Variants in DGLUCY observed in about 807,000 individuals in gnomAD.
DGLUCY encodes the protein D-glutamate cyclase, also known as D-glutamate cyclase, mitochondrial.
In DGLUCY, 58 loss-of-function variants were observed where a neutral mutation model predicts 58.5. The observed-to-expected ratio is 0.99, with a 90% CI of 0.80 to 1.23. The LOEUF is 1.23. Ranked by LOEUF, DGLUCY falls within the 50% of genes most tolerant of loss-of-function variation. DGLUCY has a pLI of 0.00. For synonymous variants in DGLUCY, 325 were observed against 314.1 expected (o/e 1.03, Z -0.37); for missense variants, 779 against 784.7 (o/e 0.99, Z 0.09).
chr14:91,160,372 C>G lies in DGLUCY; in HGVS notation c.78C>G (p.Ile26Met), dbSNP rs777996921. The G allele has an allele frequency of 1.4e-6, 2 of 1,416,472 alleles. No homozygotes were observed. Among genetic ancestry groups the G allele is most frequent in the Admixed American group, 4.0e-5 (2 of 50,492 alleles). 87.7% of individuals were successfully genotyped at this position (1,416,472 alleles called of 1,614,324 possible). A position where few individuals can be genotyped will look rare whatever the true frequency, so the allele number is the denominator to read the frequency against. The change falls in exon 3 of 14, where the codon ATC becomes ATG. Residue 26 changes from isoleucine to methionine, a missense_variant. Physicochemically the swap from Ile to Met is conservative, Grantham distance 10. Coordinates refer to ENST00000256324, the MANE Select transcript of DGLUCY (RefSeq NM_001102368.3). Reference sequence around the variant, plus strand: ...TGATTCTACAAAAGAAACCAAACATCAGAAATACATCCAGCATGGCTGGAG... The same window carrying G: ...TGATTCTACAAAAGAAACCAAACATGAGAAATACATCCAGCATGGCTGGAG... ...RSLILQKKPNIRNTSSMAGEL... is the reference protein window; with the variant it reads ...RSLILQKKPNMRNTSSMAGEL...
chr14:91,199,650 CAAA>C, intron 10 of DGLUCY, 104 bp from the exon 11 acceptor site: 3 of 1,316,266 alleles, frequency 2.3e-6, no homozygotes, highest in Non-Finnish European at 3.2e-6. Context: ...ATGAAGGAAT[CAAA>C]GAAAAAAAGA....
At chr14:91,177,928 G>GTGTGTGTGTGGGCATGTGTGTAGACAC in intron 7 of DGLUCY, among the ~76,000 whole-genome samples, 2 of 152,258 alleles carry the variant, frequency 1.3e-5, no homozygotes, top group East Asian at 3.9e-4. Context: ...TCTTGTCTGA[G>GTGTGTGTGTGGGCATGTGTGTAGACAC]TGTGTGTGTG....
chr14:91,089,247 T>C lies in DGLUCY; in HGVS notation c.-82+28543T>C, dbSNP rs943365000. ...TCAGGGTTCTTTTGATGATGGAAACTGCCAAATGTCCAACTCAGGAGCCGG... is the reference window on the plus strand; with the variant it reads ...TCAGGGTTCTTTTGATGATGGAAACCGCCAAATGTCCAACTCAGGAGCCGG... On this transcript the variant is annotated intron_variant, in intron 1 of 4. Transcript: ENST00000521334. 2.0e-5 allele frequency among the ~76,000 whole-genome samples: 3 copies of C among 152,160 alleles called. No individual in the cohort carries two copies. In the East Asian group the frequency reaches 5.8e-4, roughly 29 times the overall value.
intron 1 of DGLUCY, among the ~76,000 whole-genome samples, chr14:91,066,897 G>A (rs1029629730): frequency 1.3e-5 from 2 of 151,182 alleles, no homozygotes; most frequent in East Asian, 1.9e-4. Flanking sequence ...TGGCTAACAC[G>A]GTGAAACCCC....
chr14:91,150,940 C>G (rs2047299406), intron 1 of DGLUCY, among the ~76,000 whole-genome samples: 1 of 152,196 alleles, frequency 6.6e-6, no homozygotes, highest in African/African-American at 2.4e-5. Flanking sequence ...AACTCTCTGC[C>G]CATTACACGG....
intron 1 of DGLUCY, among the ~76,000 whole-genome samples, chr14:91,100,055 C>CAAAAAAAAAAA (rs781379842): frequency 7.7e-6 from 1 of 130,694 alleles, no homozygotes; most frequent in Non-Finnish European, 1.6e-5. Context: ...AACTCTGTCT[C>CAAAAAAAAAAA]AAAAAAAAAA....
intron 13 of DGLUCY, among the ~76,000 whole-genome samples, chr14:91,222,189 G>A (rs148808524): frequency 2.0e-5 from 3 of 152,194 alleles, no homozygotes; most frequent in Admixed American, 6.5e-5. Context: ...TTAGAAGATG[G>A]CATGGTCATT....
chr14:91,155,797 CAA>C (rs543323125), intron 1 of DGLUCY, among the ~76,000 whole-genome samples: 26 of 96,420 alleles, frequency 2.7e-4, no homozygotes, highest in Admixed American at 5.5e-4. Flanking sequence ...ACCCTGTTTC[CAA>C]AAAAAAAAAA....
chr14:91,131,366 T>C (rs1045968012), intron 1 of DGLUCY, among the ~76,000 whole-genome samples: 1 of 140,480 alleles, frequency 7.1e-6, no homozygotes, highest in African/African-American at 2.7e-5. Context: ...AGGAAACCTT[T>C]CCCAACTTGA....
At chr14:91,110,785 A>G (rs1156893418), upstream of DGLUCY, among the ~76,000 whole-genome samples, 1 of 152,132 alleles carries the variant, frequency 6.6e-6, no homozygotes, top group African/African-American at 2.4e-5. Context: ...AAATATGCAT[A>G]ACATAAAATT....
At chr14:91,177,245 C>A (rs1017501015) in intron 7 of DGLUCY, among the ~76,000 whole-genome samples, 5 of 152,160 alleles carry the variant, frequency 3.3e-5, no homozygotes, top group Admixed American at 2.0e-4. Flanking sequence ...AAGTGATTCT[C>A]CTGCCCCAGC....
At chr14:91,139,274 T>C (rs1245528907) in intron 1 of DGLUCY, among the ~76,000 whole-genome samples, 1 of 152,134 alleles carries the variant, frequency 6.6e-6, no homozygotes, top group East Asian at 1.9e-4. Flanking sequence ...CCTTGTTCTC[T>C]TCGAGTCCTC....
intron 1 of DGLUCY, among the ~76,000 whole-genome samples, chr14:91,091,485 A>G (rs1212089996): frequency 1.3e-5 from 2 of 152,136 alleles, no homozygotes; most frequent in Admixed American, 6.6e-5. Flanking sequence ...TCACGCCACT[A>G]CACTCCAGCC....
intron 1 of DGLUCY, among the ~76,000 whole-genome samples, chr14:91,067,011 G>T (rs1374793486): frequency 6.6e-6 from 1 of 150,760 alleles, no homozygotes; most frequent in African/African-American, 2.4e-5. Flanking sequence ...AACCTGGGAG[G>T]TGGAGCTTGC....
chr14:91,122,604 T>TTTTG (rs1555393406), intron 1 of DGLUCY, among the ~76,000 whole-genome samples: 1 of 128,926 alleles, frequency 7.8e-6, no homozygotes, highest in African/African-American at 3.1e-5. Flanking sequence ...AGAAAAAAGT[T>TTTTG]TTTTTTTTTT....
At chr14:91,115,692 GAGCCACCACACCT>G (rs1408464304) in intron 1 of DGLUCY, among the ~76,000 whole-genome samples, 1 of 152,204 alleles carries the variant, frequency 6.6e-6, no homozygotes, top group Non-Finnish European at 1.5e-5. Context: ...TTATAGGCGT[GAGCCACCACACCT>G]AGCCAGGAAG....
At chr14:91,139,574 A>G (rs1306637978) in intron 1 of DGLUCY, among the ~76,000 whole-genome samples, 1 of 152,194 alleles carries the variant, frequency 6.6e-6, no homozygotes, top group Non-Finnish European at 1.5e-5. Context: ...AATCCCAGCT[A>G]CTTGGGAGGC....
intron 9 of DGLUCY, among the ~76,000 whole-genome samples, chr14:91,194,147 G>A (rs555035504): frequency 2.6e-5 from 4 of 152,244 alleles, no homozygotes; most frequent in African/African-American, 7.2e-5. Flanking sequence ...TGTGCACGAC[G>A]GCCAGCCAGG....
rs1350695727 is a variant in DGLUCY, at chr14:91,189,020, A to G, written c.1045A>G (p.Asn349Asp). The G allele has an allele frequency of 6.2e-7, 1 of 1,614,012 alleles. No individual in the cohort carries two copies. The highest frequency in any genetic ancestry group is 8.5e-7 in the Non-Finnish European group (1 of 1,180,036). ...CACCACTGGGTTCCCCACACATTTC[A>G]ATCATGAGCCTCCAGAAGAGACAGA... is the stretch of plus-strand genomic sequence containing the variant. ...LITTGFPTHF[N>D]HEPPEETDGP... The change falls in exon 9 of 14, where the codon AAT becomes GAT. Residue 349 changes from asparagine (N) to aspartate (D), a missense_variant. Asn to Asp is a conservative substitution (Grantham distance 23). Coordinates refer to ENST00000256324, the MANE Select transcript of DGLUCY (RefSeq NM_001102368.3).
Sources: gnomAD v4.1 joint callset for allele counts (sites outside exome capture counted in the v4.1 genomes callset) on GRCh38, gnomAD v4.1.1 for gene constraint, MANE v1.5 for transcripts, NCBI Gene and HGNC (gene_info 2026-07-23, HGNC 2026-07-21) for gene names.